The following THRB variants were observed in gnomAD, a reference collection of about 807,000 sequenced individuals.
The protein encoded by THRB is thyroid hormone receptor beta.
In THRB, 12 loss-of-function variants were observed where a neutral mutation model predicts 47.8. The observed-to-expected ratio is 0.25, with a 90% CI of 0.16 to 0.41. THRB has a LOEUF of 0.41. Among genes scored for constraint, THRB ranks in the 10% least tolerant of loss-of-function variants. The pLI is 1.00. For synonymous variants in THRB, 218 were observed against 212.2 expected (o/e 1.03, Z -0.24); for missense variants, 348 against 589.2 (o/e 0.59, Z 4.24).
chr3:24,351,735 G>A (rs1273185800), intron 1 of THRB, among the ~76,000 whole-genome samples: 5 of 152,174 alleles, frequency 3.3e-5, no homozygotes, highest in Admixed American at 3.3e-4. Flanking sequence ...CACCCAAGGT[G>A]CTGGGAATGA....
At chr3:24,142,035 C>T (rs1026777550) in intron 8 of THRB, among the ~76,000 whole-genome samples, 3 of 152,202 alleles carry the variant, frequency 2.0e-5, no homozygotes, top group African/African-American at 7.2e-5. Flanking sequence ...AGAGGCTGCT[C>T]CTCCAAAGAG....
intron 2 of THRB, among the ~76,000 whole-genome samples, chr3:24,313,307 C>T (rs55914535): frequency 2.0e-5 from 3 of 152,018 alleles, no homozygotes; most frequent in Non-Finnish European, 2.9e-5. Flanking sequence ...CTCAACCTGG[C>T]GCACATTCCT....
At chr3:24,208,770 A>G (rs1242389436) in intron 4 of THRB, among the ~76,000 whole-genome samples, 1 of 152,240 alleles carries the variant, frequency 6.6e-6, no homozygotes, top group Non-Finnish European at 1.5e-5. Context: ...AGGCAATGCC[A>G]TTCGGGACAT....
chr3:24,259,086 G>A (rs1289552693), intron 3 of THRB, among the ~76,000 whole-genome samples: 2 of 152,158 alleles, frequency 1.3e-5, no homozygotes, highest in Admixed American at 1.3e-4. Context: ...CCTGCTCCAT[G>A]AGCATCCAAT....
At chr3:24,477,961 G>A (rs1695743035) in intron 1 of THRB, among the ~76,000 whole-genome samples, 1 of 150,548 alleles carries the variant, frequency 6.6e-6, no homozygotes, top group African/African-American at 2.5e-5. Flanking sequence ...CAGCAAAAGA[G>A]GATCCAAACA....
intron 1 of THRB, among the ~76,000 whole-genome samples, chr3:24,352,467 A>C (rs2063414982): frequency 6.6e-6 from 1 of 152,194 alleles, no homozygotes; most frequent in Non-Finnish European, 1.5e-5. Flanking sequence ...AAAAATGACA[A>C]GGAATGTAAC....
At chr3:24,285,575 A>G (rs1330637079) in intron 3 of THRB, among the ~76,000 whole-genome samples, 1 of 151,522 alleles carries the variant, frequency 6.6e-6, no homozygotes, top group Admixed American at 6.6e-5. Context: ...TAAAACTTAA[A>G]GTATAATTAA....
At chr3:24,418,269 C>T (rs1406638417) in intron 1 of THRB, among the ~76,000 whole-genome samples, 2 of 149,638 alleles carry the variant, frequency 1.3e-5, no homozygotes, top group East Asian at 4.0e-4. Flanking sequence ...ACCTGTATTT[C>T]TGTAACCTTG....
At chr3:24,366,667 C>T (rs924489895) in intron 1 of THRB, among the ~76,000 whole-genome samples, 1 of 137,222 alleles carries the variant, frequency 7.3e-6, no homozygotes, top group African/African-American at 2.8e-5. Context: ...TGTCACCAGG[C>T]TGGAGTACAG....
chr3:24,355,881 A>C (rs999049398), intron 1 of THRB, among the ~76,000 whole-genome samples: 2 of 152,170 alleles, frequency 1.3e-5, no homozygotes, highest in African/African-American at 4.8e-5. Context: ...TAGCTATATG[A>C]AAAATACCTT....
At chr3:24,242,486 C>G (rs1311604520) in intron 3 of THRB, among the ~76,000 whole-genome samples, 6 of 152,238 alleles carry the variant, frequency 3.9e-5, no homozygotes, top group African/African-American at 9.6e-5. Flanking sequence ...AAGAATCCCC[C>G]CTCCCCTCTG....
At chr3:24,237,852 G>C (rs902629431) in intron 3 of THRB, 3 of 152,120 alleles carry the variant, frequency 2.0e-5, no homozygotes, top group Non-Finnish European at 4.4e-5. Flanking sequence ...AACAAACAAA[G>C]CCCCCTGCAA....
chr3:24,461,044 T>A (rs190944783), intron 1 of THRB, among the ~76,000 whole-genome samples: 1 of 152,208 alleles, frequency 6.6e-6, no homozygotes, highest in Non-Finnish European at 1.5e-5. Flanking sequence ...TATACATGTT[T>A]TATGCACACC....
In THRB at chr3:24,247,016, G is replaced by A. The variant is rs188733694; in HGVS notation, c.-42-18015C>T. Among the ~76,000 whole-genome samples the A allele has an allele frequency of 4.1e-3, 618 of 152,268 alleles. 4 individuals carry two copies. The highest frequency in any genetic ancestry group is 4.0e-3 in the Non-Finnish European group (272 of 68,004). On this transcript the variant is annotated intron_variant, in intron 3 of 10. Coordinates refer to ENST00000646209, the MANE Select transcript of THRB (RefSeq NM_001354712.2). ...TTCTAAAATGCCAAAGAAATATTGC[G>A]GATCCCATATGATATGCTTGAATGT...
At chr3:24,405,594 C>A (rs2067756100) in intron 1 of THRB, among the ~76,000 whole-genome samples, 1 of 151,828 alleles carries the variant, frequency 6.6e-6, no homozygotes, top group Non-Finnish European at 1.5e-5. Context: ...ATTTTGTTTA[C>A]AGTTTTTTTC....
At chr3:24,282,847 A>C (rs1352581706) in intron 3 of THRB, among the ~76,000 whole-genome samples, 1 of 151,002 alleles carries the variant, frequency 6.6e-6, no homozygotes, top group Non-Finnish European at 1.5e-5. Context: ...GAAATGGATA[A>C]ATTCCTTGAC....
At chr3:24,210,073 A>G (rs967516829) in intron 4 of THRB, among the ~76,000 whole-genome samples, 1 of 152,164 alleles carries the variant, frequency 6.6e-6, no homozygotes, top group African/African-American at 2.4e-5. Context: ...TTTCTCTTGT[A>G]TATTTTCATT....
chr3:24,321,521 G>A (rs2058483023), intron 2 of THRB, among the ~76,000 whole-genome samples: 1 of 152,032 alleles, frequency 6.6e-6, no homozygotes, highest in South Asian at 2.1e-4. Flanking sequence ...TGTGAGACTG[G>A]GGATGAAATT....
At chr3:24,272,450 C>G (rs1210572715) in intron 3 of THRB, among the ~76,000 whole-genome samples, 1 of 152,052 alleles carries the variant, frequency 6.6e-6, no homozygotes, top group African/African-American at 2.4e-5. Context: ...TAAAATTTCC[C>G]TATATACCAT....
Sources: gnomAD v4.1 joint callset for allele counts (sites outside exome capture counted in the v4.1 genomes callset) on GRCh38, gnomAD v4.1.1 for gene constraint, MANE v1.5 for transcripts, NCBI Gene and HGNC (gene_info 2026-07-23, HGNC 2026-07-21) for gene names.